Variants in CPEB1 observed in about 807,000 individuals in gnomAD.
The protein encoded by CPEB1 is cytoplasmic polyadenylation element-binding protein 1.
In CPEB1, 7 loss-of-function variants were observed where a neutral mutation model predicts 65.8. The observed-to-expected ratio is 0.11, with a 90% CI of 0.06 to 0.20. The LOEUF is 0.20. Among genes scored for constraint, CPEB1 ranks in the 10% least tolerant of loss-of-function variants. The probability of loss-of-function intolerance (pLI) is 1.00; values close to 1 mark genes in which losing one functional copy is unlikely to be tolerated. For synonymous variants in CPEB1, 262 were observed against 260.0 expected, an observed-to-expected ratio of 1.01 and a Z score of -0.08; for missense variants, 551 against 712.2, an observed-to-expected ratio of 0.77 and a Z score of 2.58.
At chr15:82,556,672 T>C (rs2037256473) in intron 5 of CPEB1, 1 of 152,622 alleles carries the variant, frequency 6.6e-6, no homozygotes, top group African/African-American at 2.4e-5. Context: ...CCCCAAATAT[T>C]AATCAGTCAT....
rs1267657 is a variant in CPEB1 at position 82,546,501 on chromosome 15, T to C, written c.1596A>G (p.Leu532=). ...FTKKVQIDPY[L]EDSLCHICSS... Reference sequence around the variant, plus strand: ...TGCAGATATGACACAGAGAATCTTCTAGGTAGGGGTCAATCTGAACCTGCA... The same window carrying C: ...TGCAGATATGACACAGAGAATCTTCCAGGTAGGGGTCAATCTGAACCTGCA... Residue 532 remains leucine, a synonymous_variant, in exon 12 of 13, where the codon CTA becomes CTG. Coordinates refer to ENST00000684509, the MANE Select transcript of CPEB1 (RefSeq NM_001365242.1). The C allele has an allele frequency of 0.39, 629,558 of 1,612,274 alleles. 124,732 individuals are homozygous for C. The highest frequency in any genetic ancestry group is 0.49 in the East Asian group (22,089 of 44,846).
At chr15:82,548,663 G>A (rs1439608991) in intron 10 of CPEB1, 1 of 454,350 alleles carries the variant, frequency 2.2e-6, no homozygotes, top group Admixed American at 2.4e-5. Context: ...TAGCCCTTAG[G>A]CACTCTGGAG....
At chr15:82,617,143 T>G (rs1481604784) in intron 3 of CPEB1, among the ~76,000 whole-genome samples, 1 of 152,256 alleles carries the variant, frequency 6.6e-6, no homozygotes, top group Non-Finnish European at 1.5e-5. Context: ...GATAGAATTC[T>G]GTGCCAACAG....
Position 82,544,430 on chromosome 15 carries a change from T to C in CPEB1, c.*162A>G. 1 of 606,208 alleles carries C rather than the reference T, an allele frequency of 1.6e-6. No individual in the cohort carries two copies. 37.6% of individuals were successfully genotyped at this position (606,208 alleles called of 1,614,324 possible). On this transcript the variant is annotated 3_prime_UTR_variant, in exon 13 of 13. Coordinates refer to ENST00000684509, the MANE Select transcript of CPEB1 (RefSeq NM_001365242.1). ...CTGACAAAACTCAATGTGCATTAATTAGTGCAGAAACAAAGACAGATTCAG... is the reference window on the plus strand; with the variant it reads ...CTGACAAAACTCAATGTGCATTAATCAGTGCAGAAACAAAGACAGATTCAG...
intron 7 of CPEB1, 60 bp from the exon 8 acceptor site, chr15:82,553,616 C>CAAGTCTTCCCAGT: frequency 8.0e-7 from 1 of 1,256,670 alleles, no homozygotes; most frequent in African/African-American, 1.5e-5. Context: ...AGTAAAGACA[C>CAAGTCTTCCCAGT]AAACACAGAA....
At chr15:82,602,473 C>A (rs919679613) in intron 3 of CPEB1, among the ~76,000 whole-genome samples, 1 of 152,044 alleles carries the variant, frequency 6.6e-6, no homozygotes, top group Non-Finnish European at 1.5e-5. Flanking sequence ...CACTTGAGCC[C>A]AGGAGTTTGA....
In CPEB1 at chr15:82,557,962, A is replaced by G. The variant is rs2037519575; in HGVS notation, c.485T>C (p.Leu162Pro). 1 of 1,612,772 alleles carries G rather than the reference A, an allele frequency of 6.2e-7. No individual in the cohort carries two copies. The highest frequency in any genetic ancestry group is 2.2e-5 in the East Asian group (1 of 44,864). The stretch of plus-strand genomic sequence containing the variant: ...GGGGGGTTTTCCTAGGACATTTCCC[A>G]GTGGGTTATGGAGCATGCTCAGTAC... ...HSVLSMLHNPLGNVLGKPPLS... is the reference protein window; with the variant it reads ...HSVLSMLHNPPGNVLGKPPLS... The change falls in exon 5 of 13, where the codon CTG (leucine) becomes CCG (proline). Residue 162 changes from leucine (L) to proline (P), a missense_variant. Leu to Pro is a moderately conservative substitution (Grantham distance 98). This residue lies in a region of CPEB1 where 223 missense variants were observed against 228.6 expected (regional missense o/e 0.98). Transcript: ENST00000684509.
chr15:82,628,368 G>T lies in CPEB1; in HGVS notation c.92C>A (p.Pro31His), dbSNP rs964462751. The change falls in exon 2 of 13, where the codon CCT (proline) becomes CAT (histidine). Residue 31 changes from proline to histidine, a missense_variant. Pro to His is a moderately conservative substitution (Grantham distance 77). Transcript: ENST00000684509. ...GAAATCCAAGAGTTAACATACCAGA[G>T]GAATTAGCAGAAGACAATCTGATAG... ...SSLSDCLLLI[P>H]LEEEAGRIKD... is the part of the protein sequence containing the mutation. The T allele has an allele frequency of 1.4e-6, 1 of 702,804 alleles. No individual in the cohort carries two copies. The highest frequency in any genetic ancestry group is 2.6e-6 in the Non-Finnish European group (1 of 384,888). 43.5% of individuals were successfully genotyped at this position (702,804 alleles called of 1,614,324 possible). A position where few individuals can be genotyped will look rare whatever the true frequency, so the allele number is the denominator to read the frequency against.
chr15:82,553,384 C>T, intron 8 of CPEB1, 83 bp downstream of exon 8: 8 of 1,027,968 alleles, frequency 7.8e-6, no homozygotes, highest in Non-Finnish European at 4.5e-6. Context: ...GCTGTGACAT[C>T]CCAGCACCCC....
At chr15:82,597,889 A>C (rs1345877928) in intron 3 of CPEB1, among the ~76,000 whole-genome samples, 1 of 152,222 alleles carries the variant, frequency 6.6e-6, no homozygotes, top group Non-Finnish European at 1.5e-5. Flanking sequence ...AAGACTTAAC[A>C]AAATAGGAGA....
intron 3 of CPEB1, among the ~76,000 whole-genome samples, chr15:82,607,991 C>T (rs1343734816): frequency 6.6e-6 from 1 of 152,132 alleles, no homozygotes; most frequent in Non-Finnish European, 1.5e-5. Context: ...CCCAGTATGC[C>T]CTCCACACTG....
chr15:82,639,528 A>G (rs940592044), intron 1 of CPEB1, among the ~76,000 whole-genome samples: 13 of 152,036 alleles, frequency 8.6e-5, no homozygotes, highest in African/African-American at 1.9e-4. Flanking sequence ...TGACATGTCT[A>G]CACATTAAAG....
chr15:82,646,750 C>T (rs2047578021), intron 1 of CPEB1, among the ~76,000 whole-genome samples: 1 of 152,202 alleles, frequency 6.6e-6, no homozygotes, highest in Non-Finnish European at 1.5e-5. Flanking sequence ...TCGGTCGACT[C>T]GACCGCTGAG....
intron 4 of CPEB1, chr15:82,562,199 T>C (rs768193650): frequency 1.1e-4 from 51 of 455,678 alleles, no homozygotes; most frequent in Non-Finnish European, 1.9e-4. Context: ...TCTGTTTGTC[T>C]TCACATTCCT....
intron 4 of CPEB1, among the ~76,000 whole-genome samples, chr15:82,568,732 T>C (rs2039551540): frequency 6.6e-6 from 1 of 152,218 alleles, no homozygotes; most frequent in Non-Finnish European, 1.5e-5. Flanking sequence ...TCATAGCAGA[T>C]GCAGCACTCG....
intron 3 of CPEB1, among the ~76,000 whole-genome samples, chr15:82,591,635 CT>C (rs2042261362): frequency 6.6e-6 from 1 of 152,062 alleles, no homozygotes; most frequent in South Asian, 2.1e-4. Flanking sequence ...TGTATGTCTT[CT>C]TTTGAAAAGT....
upstream of CPEB1, chr15:82,647,732 CCGGGACTCGCCCGCA>C (rs1468188398): frequency 1.1e-6 from 1 of 900,884 alleles, no homozygotes; most frequent in African/African-American, 1.7e-5. Context: ...CGCGCCCCGC[CCGGGACTCGCCCGCA>C]CGGGGCGGGG....
chr15:82,633,932 G>A (rs1372172945), intron 1 of CPEB1, among the ~76,000 whole-genome samples: 1 of 151,452 alleles, frequency 6.6e-6, no homozygotes, highest in African/African-American at 2.4e-5. Context: ...TACCACTTAG[G>A]TATCACTCTG....
chr15:82,594,984 T>C (rs1160150062), intron 3 of CPEB1, among the ~76,000 whole-genome samples: 1 of 152,064 alleles, frequency 6.6e-6, no homozygotes, highest in Non-Finnish European at 1.5e-5. Context: ...ACAATTACAA[T>C]AGCAGCAAAG....
Sources: gnomAD v4.1 joint callset for allele counts (sites outside exome capture counted in the v4.1 genomes callset) on GRCh38, gnomAD v4.1.1 for gene constraint, gnomAD v4.1.1 regional missense constraint, MANE v1.5 for transcripts, NCBI Gene and HGNC (gene_info 2026-07-23, HGNC 2026-07-21) for gene names.